Variants in SLC1A1 observed in about 807,000 individuals in gnomAD.
SLC1A1 encodes the protein solute carrier family 1 member 1, also known as excitatory amino acid transporter 3.
SLC1A1 carries 43 observed loss-of-function variants against 53.3 expected under a neutral mutation model. That is an observed-to-expected ratio of 0.81 (90% confidence interval 0.63 to 1.04). The LOEUF (loss-of-function observed/expected upper bound fraction) is 1.04. Among genes scored for constraint, SLC1A1 ranks in the 50% least tolerant of loss-of-function variants. The pLI is 0.00. For synonymous variants in SLC1A1, 307 were observed against 243.2 expected (o/e 1.26, Z -2.44); for missense variants, 748 against 664.9 (o/e 1.12, Z -1.37).
chr9:4,585,604 G>A lies in SLC1A1; in HGVS notation c.*46G>A, dbSNP rs1239577494. 3 of 1,612,276 alleles carry A rather than the reference G, an allele frequency of 1.9e-6. No individual in the cohort carries two copies. The highest frequency in any genetic ancestry group is 1.7e-6 in the Non-Finnish European group (2 of 1,178,508). ...TGGAAACAAGGAAGGACATTTCCGTGAGAGTCATCTCAAACACTGCTTAAG... is the reference window on the plus strand; with the variant it reads ...TGGAAACAAGGAAGGACATTTCCGTAAGAGTCATCTCAAACACTGCTTAAG... On this transcript the variant is annotated 3_prime_UTR_variant, in exon 12 of 12. Transcript: ENST00000262352.
At position 4,544,551 on chromosome 9, in the gene SLC1A1, C is replaced by T. The variant is rs1343680019; in HGVS notation, c.92-16C>T. The stretch of plus-strand genomic sequence containing the variant: ...TAATGTTCCTCTTCCTTCTTTCCAA[C>T]TCTTGTTTTCCTTAGGCATTACCAC... On this transcript the variant is annotated splice_polypyrimidine_tract_variant and intron_variant, in intron 1 of 11. Transcript: ENST00000262352. 8 of 1,611,866 alleles carry T rather than the reference C, an allele frequency of 5.0e-6. No individual in the cohort carries two copies. Among genetic ancestry groups the T allele is most frequent in the Non-Finnish European group, 5.9e-6 (7 of 1,178,318 alleles).
rs151269013 is a variant in SLC1A1, at chr9:4,583,909, CACAT to C, written c.1328+739_1328+742del. Among the ~76,000 whole-genome samples, 14,700 of 150,496 alleles carry C rather than the reference CACAT, an allele frequency of 0.098. 819 individuals carry two copies. The highest frequency in any genetic ancestry group is 0.13 in the Non-Finnish European group (8,455 of 67,510). On this transcript the variant is annotated intron_variant, in intron 11 of 11. Coordinates refer to ENST00000262352, the MANE Select transcript of SLC1A1 (RefSeq NM_004170.6). This position sits in a 1 kb window ranked among gnomAD's most constrained non-coding sequence, Gnocchi z 4.6. ...ACACACACACACACACACACACACACACATATGGAATACAGCAGAACATCTGGGT... is the reference window on the plus strand; with the variant it reads ...ACACACACACACACACACACACACACATGGAATACAGCAGAACATCTGGGT...
In SLC1A1 at chr9:4,583,876, TCTCTCTCACA is replaced by T. The variant is rs1198553560; in HGVS notation, c.1328+706_1328+715del. ...ACTTCTCTCTCTCTCTCTCTCTCTCTCTCTCTCACACACACACACACACACACACACACAC... is the reference window on the plus strand; with the variant it reads ...ACTTCTCTCTCTCTCTCTCTCTCTCTCACACACACACACACACACACACAC... On this transcript the variant is annotated intron_variant, in intron 11 of 11. Transcript: ENST00000262352. This position sits in a 1 kb window ranked among gnomAD's most constrained non-coding sequence, Gnocchi z 4.6. 3.0e-5 allele frequency among the ~76,000 whole-genome samples: 4 copies of T among 132,530 alleles called. No individual in the cohort carries two copies. The highest frequency in any genetic ancestry group is 1.3e-4 in the African/African-American group (4 of 29,644). 86.9% of individuals were successfully genotyped at this position (132,530 alleles called of 152,430 possible). A position where few individuals can be genotyped will look rare whatever the true frequency, so the allele number is the denominator to read the frequency against.
intron 1 of SLC1A1, among the ~76,000 whole-genome samples, chr9:4,506,027 T>C (rs1476679049): frequency 6.6e-6 from 1 of 152,200 alleles, no homozygotes; most frequent in African/African-American, 2.4e-5. Flanking sequence ...GGTTTCACCA[T>C]GTTGGCCAGG....
chr9:4,557,251 G>A (rs1454593053), intron 2 of SLC1A1, among the ~76,000 whole-genome samples: 1 of 152,246 alleles, frequency 6.6e-6, no homozygotes, highest in Non-Finnish European at 1.5e-5. Context: ...AGGCCTTACA[G>A]CCATATGATC....
chr9:4,568,426 A>G (rs1390999534), intron 6 of SLC1A1, among the ~76,000 whole-genome samples: 1 of 151,940 alleles, frequency 6.6e-6, no homozygotes, highest in African/African-American at 2.4e-5. Flanking sequence ...TCAAAAAAAA[A>G]AAAAAAGGAC....
chr9:4,496,440 G>A (rs931074352), intron 1 of SLC1A1, among the ~76,000 whole-genome samples: 1 of 151,892 alleles, frequency 6.6e-6, no homozygotes, highest in Non-Finnish European at 1.5e-5. Context: ...GGCTGGTCTT[G>A]AATGCCTGGC....
intron 1 of SLC1A1, among the ~76,000 whole-genome samples, chr9:4,492,699 G>A (rs1390672589): frequency 2.6e-5 from 4 of 152,004 alleles, no homozygotes; most frequent in African/African-American, 9.7e-5. Context: ...GGAGACTGAG[G>A]TGGGAGGATC....
intron 2 of SLC1A1, among the ~76,000 whole-genome samples, chr9:4,557,183 C>G (rs1203176994): frequency 1.3e-5 from 2 of 152,150 alleles, no homozygotes; most frequent in Non-Finnish European, 2.9e-5. Context: ...GCTTCAAGTA[C>G]AAACATTCGT....
At chr9:4,512,768 A>T (rs189106221) in intron 1 of SLC1A1, among the ~76,000 whole-genome samples, 2 of 151,580 alleles carry the variant, frequency 1.3e-5, no homozygotes, top group Non-Finnish European at 2.9e-5. Flanking sequence ...GGTCTTTTTT[A>T]TTTTTTTTTA....
chr9:4,564,298 C>T (rs768212654), intron 3 of SLC1A1, 46 bp from the exon 4 acceptor site: 15 of 1,298,794 alleles, frequency 1.2e-5, no homozygotes, highest in Middle Eastern at 2.2e-4. Context: ...GTGCCAGGTG[C>T]CCTGGAAGGT....
At chr9:4,564,213 T>A (rs1819261384) in intron 3 of SLC1A1, 131 bp from the exon 4 acceptor site, 1 of 701,144 alleles carries the variant, frequency 1.4e-6, no homozygotes, top group African/African-American at 1.8e-5. Flanking sequence ...CTCAGCATTT[T>A]GGCTGGACCT....
chr9:4,503,662 A>G (rs1228937652), intron 1 of SLC1A1, among the ~76,000 whole-genome samples: 2 of 151,884 alleles, frequency 1.3e-5, no homozygotes, highest in Admixed American at 6.5e-5. Flanking sequence ...TCTTAGGTTC[A>G]ATTTCAGTAT....
chr9:4,542,205 A>G (rs1817076457), intron 1 of SLC1A1, among the ~76,000 whole-genome samples: 1 of 151,970 alleles, frequency 6.6e-6, no homozygotes, highest in African/African-American at 2.4e-5. Flanking sequence ...GGAGGGAGGA[A>G]GGAAGGAAGG....
At chr9:4,536,959 T>C (rs1289370164) in intron 1 of SLC1A1, among the ~76,000 whole-genome samples, 2 of 151,688 alleles carry the variant, frequency 1.3e-5, no homozygotes, top group East Asian at 3.9e-4. Context: ...AACCAAACAC[T>C]GCATGTTCTC....
rs188412109 is a variant in SLC1A1, at chr9:4,519,568, A to G, written c.92-24999A>G. Among the ~76,000 whole-genome samples, 185 of 152,298 alleles carry G rather than the reference A, an allele frequency of 1.2e-3. 1 individual carries two copies. The highest frequency in any genetic ancestry group is 2.3e-3 in the Non-Finnish European group (158 of 68,026). Reference sequence around the variant, plus strand: ...TGTGATATTATTATCTGTTGTTATTATTCAATCATAAATATTTATTGAGCC... The same window carrying G: ...TGTGATATTATTATCTGTTGTTATTGTTCAATCATAAATATTTATTGAGCC... On this transcript the variant is annotated intron_variant, in intron 1 of 11. Coordinates refer to ENST00000262352, the MANE Select transcript of SLC1A1 (RefSeq NM_004170.6).
At chr9:4,499,871 C>G (rs1239636442) in intron 1 of SLC1A1, among the ~76,000 whole-genome samples, 1 of 152,192 alleles carries the variant, frequency 6.6e-6, no homozygotes, top group African/African-American at 2.4e-5. Context: ...AATGAAAACA[C>G]GCTGTGTAGA....
intron 1 of SLC1A1, among the ~76,000 whole-genome samples, chr9:4,532,583 C>T (rs1398755940): frequency 1.5e-4 from 23 of 152,306 alleles, no homozygotes; most frequent in Middle Eastern, 3.4e-3. Flanking sequence ...AAATCTACAT[C>T]TGATTGTTGT....
intron 1 of SLC1A1, among the ~76,000 whole-genome samples, chr9:4,518,575 C>A (rs1815948672): frequency 6.6e-6 from 1 of 152,160 alleles, no homozygotes; most frequent in African/African-American, 2.4e-5. Flanking sequence ...CCTCTGTAGA[C>A]ATCTTTCATT....
Sources: allele counts gnomAD v4.1 joint callset (sites outside exome capture counted in the v4.1 genomes callset), GRCh38; gene constraint gnomAD v4.1.1; non-coding constraint Gnocchi (gnomAD v3.1); transcripts MANE v1.5; gene names NCBI Gene and HGNC (gene_info 2026-07-23, HGNC 2026-07-21).